The following ASTN2 variants were observed in gnomAD, a reference collection of about 807,000 sequenced individuals.
ASTN2 encodes the protein astrotactin-2.
Under a neutral mutation model 139.8 loss-of-function variants are expected in ASTN2, and 54 were observed. That is an observed-to-expected ratio of 0.39 (90% CI 0.31 to 0.48). ASTN2 has a LOEUF of 0.48. Among genes scored for constraint, ASTN2 ranks in the 20% least tolerant of loss-of-function variants. The probability of loss-of-function intolerance (pLI) is 0.95; values close to 1 mark genes in which losing one functional copy is unlikely to be tolerated. For synonymous variants in ASTN2, 756 were observed against 719.5 expected, an observed-to-expected ratio of 1.05 and a Z score of -0.81; for missense variants, 1,565 against 1,725.1, an observed-to-expected ratio of 0.91 and a Z score of 1.64.
chr9:116,639,578 C>A (rs1309728914), intron 17 of ASTN2, among the ~76,000 whole-genome samples: 1 of 152,206 alleles, frequency 6.6e-6, no homozygotes, highest in East Asian at 1.9e-4. Context: ...CAGGGTTAAG[C>A]TCCAAAAGGG....
intron 10 of ASTN2, among the ~76,000 whole-genome samples, chr9:116,960,690 G>A (rs1835852565): frequency 6.6e-6 from 1 of 151,832 alleles, no homozygotes; most frequent in African/African-American, 2.4e-5. Context: ...ATTGCCAAAT[G>A]TCTTCTGGGG....
chr9:117,122,590 G>C (rs756755403), intron 4 of ASTN2, among the ~76,000 whole-genome samples: 3 of 152,186 alleles, frequency 2.0e-5, no homozygotes, highest in Admixed American at 6.5e-5. Flanking sequence ...TGACTTTGTG[G>C]GGAAAGAGAA....
At chr9:117,216,270 T>G (rs1250119619) in intron 2 of ASTN2, among the ~76,000 whole-genome samples, 1 of 152,226 alleles carries the variant, frequency 6.6e-6, no homozygotes, top group East Asian at 1.9e-4. Flanking sequence ...ATGTTCTATT[T>G]GCAAGACCCT....
chr9:117,396,783 C>T (rs1830687973), intron 1 of ASTN2, among the ~76,000 whole-genome samples: 1 of 152,022 alleles, frequency 6.6e-6, no homozygotes, highest in East Asian at 1.9e-4. Flanking sequence ...CAAAGCTGGT[C>T]TCAAGCTCCT....
chr9:116,505,561 A>G (rs1850073412), intron 19 of ASTN2, among the ~76,000 whole-genome samples: 2 of 152,226 alleles, frequency 1.3e-5, no homozygotes. Context: ...AAGTATTACC[A>G]TTTTAATAGA....
chr9:116,636,389 G>C (rs1229291028), intron 17 of ASTN2, among the ~76,000 whole-genome samples: 2 of 152,162 alleles, frequency 1.3e-5, no homozygotes, highest in Admixed American at 1.3e-4. Context: ...GATGTACTTA[G>C]ACTTGCTGGG....
At chr9:116,888,365 TGTTTTCTG>T (rs1833671680) in intron 10 of ASTN2, among the ~76,000 whole-genome samples, 1 of 152,230 alleles carries the variant, frequency 6.6e-6, no homozygotes, top group Non-Finnish European at 1.5e-5. Flanking sequence ...GACAACATAT[TGTTTTCTG>T]GTGGATCTTC....
At chr9:116,774,802 TTCC>T (rs747812626) in intron 13 of ASTN2, among the ~76,000 whole-genome samples, 2 of 152,198 alleles carry the variant, frequency 1.3e-5, no homozygotes, top group Non-Finnish European at 2.9e-5. Context: ...ACATCTCATT[TTCC>T]TCACCATGAC....
At chr9:116,850,039 T>A (rs554094083) in intron 11 of ASTN2, among the ~76,000 whole-genome samples, 1 of 152,302 alleles carries the variant, frequency 6.6e-6, no homozygotes, top group South Asian at 2.1e-4. Context: ...GCCATATATG[T>A]TGGACCCTCA....
At chr9:117,348,379 A>G (rs1333084260) in intron 1 of ASTN2, among the ~76,000 whole-genome samples, 1 of 152,244 alleles carries the variant, frequency 6.6e-6, no homozygotes, top group Non-Finnish European at 1.5e-5. Flanking sequence ...CTGCATAGAC[A>G]TAATCCAAGA....
chr9:116,600,963 TA>T (rs1055723122), intron 19 of ASTN2, among the ~76,000 whole-genome samples: 2 of 151,830 alleles, frequency 1.3e-5, no homozygotes, highest in Non-Finnish European at 2.9e-5. Flanking sequence ...ATAGGGTGAT[TA>T]AAAAAAAGAT....
intron 10 of ASTN2, among the ~76,000 whole-genome samples, chr9:116,950,592 C>A (rs770158236): frequency 6.6e-6 from 1 of 152,146 alleles, no homozygotes; most frequent in Non-Finnish European, 1.5e-5. Flanking sequence ...AAGTTTGTCA[C>A]GGGAAGTTAC....
intron 11 of ASTN2, among the ~76,000 whole-genome samples, chr9:116,847,026 A>C (rs1285561491): frequency 8.2e-6 from 1 of 122,256 alleles, no homozygotes; most frequent in Non-Finnish European, 1.7e-5. Context: ...AAAAAAAAAA[A>C]CAAAAAACAA....
At chr9:117,155,826 C>T (rs539357420) in intron 3 of ASTN2, among the ~76,000 whole-genome samples, 2 of 152,030 alleles carry the variant, frequency 1.3e-5, no homozygotes, top group African/African-American at 2.4e-5. Flanking sequence ...TCCTTCTCTC[C>T]TAACTTTTCA....
At chr9:116,558,649 T>C (rs1268284714) in intron 19 of ASTN2, among the ~76,000 whole-genome samples, 1 of 152,168 alleles carries the variant, frequency 6.6e-6, no homozygotes, top group East Asian at 1.9e-4. Context: ...TCAGAGATGC[T>C]TGCTTTTGTC....
At chr9:116,518,860 T>C (rs1163036701) in intron 19 of ASTN2, among the ~76,000 whole-genome samples, 2 of 40,654 alleles carry the variant, frequency 4.9e-5, no homozygotes, top group African/African-American at 1.8e-4. Flanking sequence ...TAGCTATTCC[T>C]ACATCAGACA....
At chr9:117,193,025 TGTCTACATTAAACA>T (rs1247318995) in intron 3 of ASTN2, among the ~76,000 whole-genome samples, 1 of 152,222 alleles carries the variant, frequency 6.6e-6, no homozygotes, top group African/African-American at 2.4e-5. Context: ...TTGCTATGTA[TGTCTACATTAAACA>T]GTCTTCAGCA....
intron 17 of ASTN2, among the ~76,000 whole-genome samples, chr9:116,642,661 T>C (rs745608452): frequency 9.2e-5 from 14 of 152,152 alleles, no homozygotes; most frequent in Non-Finnish European, 1.6e-4. Context: ...AAAAACTTTC[T>C]AGGGATGAGC....
intron 7 of ASTN2, among the ~76,000 whole-genome samples, chr9:116,989,518 G>A (rs1392772233): frequency 5.3e-5 from 8 of 151,002 alleles, no homozygotes; most frequent in Non-Finnish European, 8.8e-5. Flanking sequence ...ACCATTTTAC[G>A]TAATGTGTAC....
Sources: allele counts gnomAD v4.1 joint callset (sites outside exome capture counted in the v4.1 genomes callset), GRCh38; gene constraint gnomAD v4.1.1; transcripts MANE v1.5; gene names NCBI Gene and HGNC (gene_info 2026-07-23, HGNC 2026-07-21).